COL21A1: variants seen among roughly 807,000 people sequenced by gnomAD.
The protein encoded by COL21A1 is collagen type XXI alpha 1 chain.
In COL21A1, 149 loss-of-function variants were observed where a neutral mutation model predicts 137.9. The ratio of observed to expected loss-of-function variants is 1.08; its 90% CI spans 0.95 to 1.24. The LOEUF is 1.24. Among genes scored for constraint, COL21A1 ranks in the 50% most tolerant of loss-of-function variants. The probability of loss-of-function intolerance (pLI) is 0.00; values close to 1 mark genes in which losing one functional copy is unlikely to be tolerated. For synonymous variants in COL21A1, 456 were observed against 391.5 expected, an observed-to-expected ratio of 1.16 and a Z score of -1.95; for missense variants, 1,167 against 1,158.4, an observed-to-expected ratio of 1.01 and a Z score of -0.11.
intron 10 of COL21A1, among the ~76,000 whole-genome samples, chr6:56,156,156 A>G (rs1330573579): frequency 6.6e-6 from 1 of 152,206 alleles, no homozygotes; most frequent in Non-Finnish European, 1.5e-5. Flanking sequence ...AAGACAATAG[A>G]ATTTCTAAAA....
intron 23 of COL21A1, among the ~76,000 whole-genome samples, chr6:56,066,963 G>GTA (rs1554199051): frequency 2.9e-4 from 37 of 127,904 alleles, no homozygotes; most frequent in East Asian, 1.5e-3. Flanking sequence ...CTGTGTGTGT[G>GTA]TATATATATA....
chr6:56,319,540 G>T (rs4521579), intron 1 of COL21A1, among the ~76,000 whole-genome samples: 44,749 of 152,000 alleles, frequency 0.29, 6,948 homozygotes, highest in Non-Finnish European at 0.35. Context: ...GTTTCACCAT[G>T]TTGTCCAGGC....
intron 1 of COL21A1, among the ~76,000 whole-genome samples, chr6:56,254,293 A>T (rs1277457335): frequency 6.6e-6 from 1 of 152,228 alleles, no homozygotes; most frequent in African/African-American, 2.4e-5. Context: ...GTTAAGAGGG[A>T]GGACAAAGAG....
intron 1 of COL21A1, among the ~76,000 whole-genome samples, chr6:56,326,000 A>ATATATTATATAATATATAATATATAT (rs1442238485): frequency 7.8e-4 from 1 of 1,290 alleles, no homozygotes; most frequent in East Asian, 0.042. Context: ...GTATATACAT[A>ATATATTATATAATATATAATATATAT]CATATATTAT....
chr6:56,386,278 C>T lies in COL21A1; in HGVS notation c.-39+7693G>A, dbSNP rs76720933. ...TCCTTTTTATGGCTGAATAATACCC[C>T]ATTGTAGGGCTATGAAACATTATGT... On this transcript the variant is annotated intron_variant, in intron 1 of 28. Coordinates refer to the COL21A1 transcript ENST00000370819. Among the ~76,000 whole-genome samples, 440 of 152,246 alleles carry T rather than the reference C, an allele frequency of 2.9e-3. 6 individuals are homozygous for T. The East Asian group carries it at 0.047, about 16-fold the overall frequency.
intron 1 of COL21A1, among the ~76,000 whole-genome samples, chr6:56,358,249 T>C (rs1765882396): frequency 6.6e-6 from 1 of 152,186 alleles, no homozygotes; most frequent in Admixed American, 6.5e-5. Context: ...GATGTAGATG[T>C]TCTTGCTGTT....
intron 1 of COL21A1, among the ~76,000 whole-genome samples, chr6:56,287,680 A>G (rs1763948371): frequency 6.6e-6 from 1 of 152,086 alleles, no homozygotes; most frequent in African/African-American, 2.4e-5. Context: ...TTCATAAGTT[A>G]CCCAGTCTCA....
chr6:56,246,605 A>G (rs974387172), intron 1 of COL21A1, among the ~76,000 whole-genome samples: 1 of 152,154 alleles, frequency 6.6e-6, no homozygotes, highest in Non-Finnish European at 1.5e-5. Flanking sequence ...CCAACCCAAC[A>G]GTTTTCAAAC....
chr6:56,181,984 G>C (rs1435244216), intron 2 of COL21A1, among the ~76,000 whole-genome samples: 1 of 152,060 alleles, frequency 6.6e-6, no homozygotes, highest in Non-Finnish European at 1.5e-5. Flanking sequence ...AACTTTTATA[G>C]AGACCTTAGT....
intron 1 of COL21A1, among the ~76,000 whole-genome samples, chr6:56,201,562 AT>A (rs1247407009): frequency 1.3e-5 from 2 of 152,174 alleles, no homozygotes; most frequent in African/African-American, 4.8e-5. Context: ...TAAATAGGGA[AT>A]CCTTTCCCCA....
intron 1 of COL21A1, among the ~76,000 whole-genome samples, chr6:56,243,451 A>C (rs973154851): frequency 6.6e-6 from 1 of 152,192 alleles, no homozygotes; most frequent in African/African-American, 2.4e-5. Context: ...CCATTAAATA[A>C]AACAGAAAAA....
At position 56,344,099 on chromosome 6, in the gene COL21A1, G is replaced by T. The variant is rs147835536; in HGVS notation, c.-39+49872C>A. Among the ~76,000 whole-genome samples the T allele has an allele frequency of 5.9e-5, 9 of 152,236 alleles. No individual in the cohort carries two copies. The East Asian group carries it at 1.4e-3, about 23-fold the overall frequency. ...TCTACATTTTATTTTTGTGGCTAAT[G>T]TTACTCAAATGAAATGCATTCCTAG... On this transcript the variant is annotated intron_variant, in intron 1 of 28. Coordinates refer to the COL21A1 transcript ENST00000370819.
intron 3 of COL21A1, among the ~76,000 whole-genome samples, chr6:56,178,385 T>C (rs946324507): frequency 1.3e-5 from 2 of 152,094 alleles, no homozygotes; most frequent in African/African-American, 4.8e-5. Context: ...TTATTTAAAG[T>C]TTCATGGAAG....
intron 1 of COL21A1, among the ~76,000 whole-genome samples, chr6:56,370,654 T>C (rs1766218946): frequency 6.6e-6 from 1 of 152,240 alleles, no homozygotes; most frequent in Non-Finnish European, 1.5e-5. Flanking sequence ...TAAAATCTAG[T>C]TAAGAGTTCT....
chr6:56,311,068 G>A (rs1192038440), intron 1 of COL21A1, among the ~76,000 whole-genome samples: 2 of 152,156 alleles, frequency 1.3e-5, no homozygotes, highest in Non-Finnish European at 2.9e-5. Context: ...GCAGTGCAAT[G>A]CCAATGTATT....
chr6:56,249,918 T>C (rs1264164488), upstream of COL21A1, among the ~76,000 whole-genome samples: 1 of 152,264 alleles, frequency 6.6e-6, no homozygotes, highest in Non-Finnish European at 1.5e-5. Context: ...TTTTAGTGGG[T>C]AAATTTTATG....
chr6:56,077,234 T>G (rs763443596), intron 18 of COL21A1, among the ~76,000 whole-genome samples: 10 of 151,398 alleles, frequency 6.6e-5, no homozygotes, highest in South Asian at 2.1e-4. Context: ...AAAAATATAG[T>G]TAAGTAAATT....
At chr6:56,321,965 A>T (rs925806070) in intron 1 of COL21A1, among the ~76,000 whole-genome samples, 1 of 152,158 alleles carries the variant, frequency 6.6e-6, no homozygotes, top group African/African-American at 2.4e-5. Context: ...ATTCTATGCA[A>T]CAACAACCAA....
chr6:56,358,514 C>T (rs1041604668), intron 1 of COL21A1, among the ~76,000 whole-genome samples: 1 of 152,048 alleles, frequency 6.6e-6, no homozygotes, highest in Non-Finnish European at 1.5e-5. Context: ...CTCTTGTCTA[C>T]ATGGTAAAAT....
Sources: gnomAD v4.1 joint callset for allele counts (sites outside exome capture counted in the v4.1 genomes callset) on GRCh38, gnomAD v4.1.1 for gene constraint, MANE v1.5 for transcripts, NCBI Gene and HGNC (gene_info 2026-07-23, HGNC 2026-07-21) for gene names.